The following PARP14 variants were observed in gnomAD, a reference collection of about 807,000 sequenced individuals.
PARP14 encodes protein mono-ADP-ribosyltransferase PARP14.
Under a neutral mutation model 154.2 loss-of-function variants are expected in PARP14, and 59 were observed. That is an observed-to-expected ratio of 0.38 (90% CI 0.31 to 0.48). The LOEUF (loss-of-function observed/expected upper bound fraction) is 0.48. Among genes scored for constraint, PARP14 ranks in the 20% least tolerant of loss-of-function variants. PARP14 has a pLI of 0.98. For missense variants in PARP14, 1,734 were observed against 2,131.6 expected, an observed-to-expected ratio of 0.81 and a Z score of 3.67; for synonymous variants, 720 against 780.5, an observed-to-expected ratio of 0.92 and a Z score of 1.29.
Position 122,701,115 on chromosome 3 carries a change from A to G in PARP14, c.2561A>G (p.Lys854Arg). The G allele has an allele frequency of 6.2e-7, 1 of 1,613,988 alleles. No individual in the cohort carries two copies. The highest frequency in any genetic ancestry group is 8.5e-7 in the Non-Finnish European group (1 of 1,179,894). The change falls in exon 6 of 17, where the codon AAG becomes AGG. Residue 854 changes from lysine to arginine, a missense_variant. Coordinates refer to ENST00000474629, the MANE Select transcript of PARP14 (RefSeq NM_017554.3). This position sits in a 1 kb window ranked among gnomAD's most constrained non-coding sequence, Gnocchi z 4.0. ...ELQADCDQIV[K>R]REGRLLPGNA... ...CAGGCCGACTGTGACCAGATAGTGAAGAGAGAGGGCAGACTCCTACCGGGC... is the reference window on the plus strand; with the variant it reads ...CAGGCCGACTGTGACCAGATAGTGAGGAGAGAGGGCAGACTCCTACCGGGC...
rs1016785293 is a variant in PARP14, at chr3:122,685,111, C to A, written c.188-74C>A. On this transcript the variant is annotated intron_variant, in intron 1 of 16. Coordinates refer to ENST00000474629, the MANE Select transcript of PARP14 (RefSeq NM_017554.3). ...CATTGATTGATGGTAATGCAGCCCA[C>A]GGAAATCATAGAATAATTTTGTAAA... 4.5e-6 allele frequency: 7 copies of A among 1,548,592 alleles called. No homozygotes were observed. In the East Asian group the frequency reaches 1.6e-4, roughly 35 times the overall value.
chr3:122,715,943 C>T (rs1249344087), intron 12 of PARP14, among the ~76,000 whole-genome samples: 1 of 152,206 alleles, frequency 6.6e-6, no homozygotes, highest in East Asian at 1.9e-4. Context: ...GACTCAACAA[C>T]AAATCCTGTT....
chr3:122,713,232 G>A (rs1939379144), intron 9 of PARP14, among the ~76,000 whole-genome samples, 192 bp from the exon 10 acceptor site: 1 of 152,192 alleles, frequency 6.6e-6, no homozygotes, highest in African/African-American at 2.4e-5. Context: ...GTTTGATATG[G>A]ATTCTATGTT....
intron 6 of PARP14, among the ~76,000 whole-genome samples, chr3:122,703,089 T>G (rs1357434921): frequency 6.6e-6 from 1 of 151,838 alleles, no homozygotes; most frequent in Non-Finnish European, 1.5e-5. Flanking sequence ...CTTCCATGGC[T>G]GTAATAACTG....
At chr3:122,720,939 C>G (rs575419335) in intron 15 of PARP14, 12 of 376,848 alleles carry the variant, frequency 3.2e-5, no homozygotes, top group South Asian at 2.2e-4. Context: ...AGATCCTGCT[C>G]TCAAATAAAA....
intron 3 of PARP14, among the ~76,000 whole-genome samples, chr3:122,688,317 T>A (rs929115905): frequency 6.6e-6 from 1 of 152,216 alleles, no homozygotes; most frequent in Non-Finnish European, 1.5e-5. Context: ...ACATCTGTGT[T>A]TCTTATGACT....
In PARP14 at chr3:122,729,725, C is replaced by T. The variant is rs1933380225; in HGVS notation, c.*1128C>T. The T allele has an allele frequency of 6.6e-6, 1 of 152,182 alleles. No individual in the cohort carries two copies. The highest frequency in any genetic ancestry group is 2.1e-4 in the South Asian group (1 of 4,824). The allele number at this position is 152,182 out of a possible 1,614,324, so 9.4% of individuals were successfully genotyped here. On this transcript the variant is annotated 3_prime_UTR_variant, in exon 17 of 17. Coordinates refer to ENST00000474629, the MANE Select transcript of PARP14 (RefSeq NM_017554.3). ...CCACCGTGACCAGCCAATGTGCCTT[C>T]TTATAGTGTCTACTCATTGGTCTTT...
intron 15 of PARP14, chr3:122,720,739 G>A: frequency 2.2e-6 from 1 of 463,670 alleles, no homozygotes; most frequent in Non-Finnish European, 4.3e-6. Flanking sequence ...TCAGGACCAT[G>A]TTACTCTGCC....
At chr3:122,723,824 G>T (rs1196583524) in intron 15 of PARP14, among the ~76,000 whole-genome samples, 2 of 152,130 alleles carry the variant, frequency 1.3e-5, no homozygotes, top group African/African-American at 2.4e-5. Flanking sequence ...CACTTCCATT[G>T]ATGATCCTTG....
chr3:122,725,002 G>A (rs1933252214), intron 15 of PARP14, among the ~76,000 whole-genome samples: 1 of 152,202 alleles, frequency 6.6e-6, no homozygotes, highest in Admixed American at 6.5e-5. Context: ...CAAGGCAGAA[G>A]AATTTTTCTT....
At chr3:122,698,834 T>C (rs111964040) in intron 5 of PARP14, among the ~76,000 whole-genome samples, 5 of 152,216 alleles carry the variant, frequency 3.3e-5, no homozygotes, top group Admixed American at 1.3e-4. Flanking sequence ...ATTATAGGAC[T>C]GTACAAGAAG....
chr3:122,701,155 C>G lies in PARP14; in HGVS notation c.2601C>G (p.Ser867=), dbSNP rs1938958629. The G allele has an allele frequency of 6.2e-7, 1 of 1,613,910 alleles. No homozygotes were observed. Residue 867 remains serine, a synonymous_variant, in exon 6 of 17, where the codon TCC becomes TCG. Transcript: ENST00000474629. The surrounding 1 kb of genome is among the most constrained non-coding windows in gnomAD (Gnocchi z 4.0). The part of the protein sequence containing the change: ...GRLLPGNATI[S]KAGKLPYHHV... ...TCCTACCGGGCAATGCCACCATCTC[C>G]AAGGCAGGAAAGCTGCCCTACCACC...
rs1247943773 is a variant in PARP14, at chr3:122,699,870, C to T, written c.1316C>T (p.Ser439Leu). Residue 439 changes from serine to leucine, a missense_variant, in exon 6 of 17, where the codon TCA (serine) becomes TTA (leucine). Coordinates refer to ENST00000474629, the MANE Select transcript of PARP14 (RefSeq NM_017554.3). The stretch of plus-strand genomic sequence containing the variant: ...GAGATGGTAATCTTAGCAGGGAAAT[C>T]AGAGGATGTCCAAAGCATTGAGGTA... ...LKEMVILAGKSEDVQSIEVQV... is the reference protein window; with the variant it reads ...LKEMVILAGKLEDVQSIEVQV... The T allele has an allele frequency of 6.2e-7, 1 of 1,613,852 alleles. No homozygotes were observed. The highest frequency in any genetic ancestry group is 8.5e-7 in the Non-Finnish European group (1 of 1,179,792).
At chr3:122,686,443 C>T (rs896767830) in intron 2 of PARP14, among the ~76,000 whole-genome samples, 1 of 151,240 alleles carries the variant, frequency 6.6e-6, no homozygotes, top group African/African-American at 2.4e-5. Flanking sequence ...GTGTGAGCCA[C>T]CACACCCGTC....
intron 1 of PARP14, among the ~76,000 whole-genome samples, chr3:122,682,728 C>T (rs1401168697): frequency 6.6e-6 from 1 of 152,070 alleles, no homozygotes; most frequent in Non-Finnish European, 1.5e-5. Flanking sequence ...CTTGTCTTAC[C>T]CCCCAGCACA....
rs1938218478 is a variant in PARP14, at chr3:122,681,826, G to T, written c.187+756G>T. ...TGGGCCAAGAGCCCAGAGGTGATCTGCTGGCTCAAGGGCCTCCCTGGTCTG... is the reference window on the plus strand; with the variant it reads ...TGGGCCAAGAGCCCAGAGGTGATCTTCTGGCTCAAGGGCCTCCCTGGTCTG... On this transcript the variant is annotated intron_variant, in intron 1 of 16. Coordinates refer to ENST00000474629, the MANE Select transcript of PARP14 (RefSeq NM_017554.3). The surrounding 1 kb of genome is among the most constrained non-coding windows in gnomAD (Gnocchi z 5.5). Among the ~76,000 whole-genome samples, 1 of 152,184 alleles carries T rather than the reference G, an allele frequency of 6.6e-6. No individual in the cohort carries two copies. The highest frequency in any genetic ancestry group is 2.1e-4 in the South Asian group (1 of 4,824).
chr3:122,711,940 C>T (rs1939331019), intron 9 of PARP14, among the ~76,000 whole-genome samples: 2 of 152,104 alleles, frequency 1.3e-5, no homozygotes, highest in South Asian at 4.1e-4. Context: ...TCTCCAGTTT[C>T]ATTTCTAATT....
chr3:122,704,121 C>T, intron 7 of PARP14, 143 bp downstream of exon 7: 2 of 639,210 alleles, frequency 3.1e-6, no homozygotes, highest in South Asian at 4.0e-5. Context: ...ATCATGTGGC[C>T]ATTTCTTTCA....
chr3:122,717,161 C>T (rs895391557), intron 12 of PARP14, among the ~76,000 whole-genome samples: 4 of 152,178 alleles, frequency 2.6e-5, no homozygotes, highest in African/African-American at 7.2e-5. Context: ...TCAGCATAGC[C>T]AAGTCAAAGA....
Sources: gnomAD v4.1 joint callset for allele counts (sites outside exome capture counted in the v4.1 genomes callset) on GRCh38, gnomAD v4.1.1 for gene constraint, Gnocchi (gnomAD v3.1) non-coding constraint, MANE v1.5 for transcripts, NCBI Gene and HGNC (gene_info 2026-07-23, HGNC 2026-07-21) for gene names.